SEMA4D: variants seen among roughly 807,000 people sequenced by gnomAD.
SEMA4D encodes the protein semaphorin 4D, also known as semaphorin-4D.
Under a neutral mutation model 74.8 loss-of-function variants are expected in SEMA4D, and 22 were observed. That is an observed-to-expected ratio of 0.29 (90% CI 0.21 to 0.42). SEMA4D has a LOEUF of 0.42. SEMA4D is among the 10% of genes least tolerant of loss of function. The pLI is 1.00. For missense variants in SEMA4D, 937 were observed against 1,118.4 expected (o/e 0.84, Z 2.31); for synonymous variants, 445 against 463.7 (o/e 0.96, Z 0.52).
At position 89,388,799 on chromosome 9, in the gene SEMA4D, AGGG is replaced by A; in HGVS notation, c.951-10_951-8del. On this transcript the variant is annotated splice_polypyrimidine_tract_variant and splice_region_variant and intron_variant, in intron 10 of 15. Transcript: ENST00000422704. ...CGACAGCCCCACGTTGTTCCTGGGG[AGGG>A]GAAAGAGGTGACGGGACCACCTGGC... is the stretch of plus-strand genomic sequence containing the variant. 6.2e-7 allele frequency: 1 copy of A among 1,603,942 alleles called. No homozygotes were observed. The highest frequency in any genetic ancestry group is 1.7e-5 in the Admixed American group (1 of 59,578).
intron 2 of SEMA4D, among the ~76,000 whole-genome samples, chr9:89,431,212 C>CA (rs1186401686): frequency 6.6e-6 from 1 of 152,182 alleles, no homozygotes; most frequent in Non-Finnish European, 1.5e-5. Context: ...GCCTGACTGG[C>CA]ACGTTCCAAG....
At chr9:89,396,978 T>C (rs541509891) in intron 5 of SEMA4D, 143 bp from the exon 6 acceptor site, 3 of 698,888 alleles carry the variant, frequency 4.3e-6, no homozygotes, top group Non-Finnish European at 7.5e-6. Flanking sequence ...CAACGAGGCA[T>C]GTGTGCATTC....
At chr9:89,394,748 T>C (rs538199909) in intron 6 of SEMA4D, among the ~76,000 whole-genome samples, 49 of 152,276 alleles carry the variant, frequency 3.2e-4, no homozygotes, top group African/African-American at 1.1e-3. Flanking sequence ...TCTTCACCTG[T>C]TAGGTTAGGG....
intron 2 of SEMA4D, among the ~76,000 whole-genome samples, chr9:89,445,490 C>A (rs566725819): frequency 1.1e-4 from 17 of 152,336 alleles, no homozygotes; most frequent in African/African-American, 4.1e-4. Flanking sequence ...GCTCTGGAGG[C>A]CCCAGGGGAG....
chr9:89,391,548 A>G, intron 8 of SEMA4D, 133 bp from the exon 9 acceptor site: 2 of 802,430 alleles, frequency 2.5e-6, no homozygotes, highest in Non-Finnish European at 4.0e-6. Flanking sequence ...GAGTGTGCAC[A>G]TGCCACAATC....
At chr9:89,387,649 C>T in intron 11 of SEMA4D, 41 bp from the exon 12 acceptor site, 1 of 1,584,196 alleles carries the variant, frequency 6.3e-7, no homozygotes, top group Non-Finnish European at 8.7e-7. Context: ...GCTCGTGTCC[C>T]ACCACGCAAC....
At chr9:89,471,012 C>G (rs980884317) in intron 1 of SEMA4D, among the ~76,000 whole-genome samples, 1 of 152,112 alleles carries the variant, frequency 6.6e-6, no homozygotes, top group Non-Finnish European at 1.5e-5. Context: ...GAAATGCACA[C>G]TGAGATAATC....
chr9:89,370,928 G>A (rs929406219), intron 16 of SEMA4D, among the ~76,000 whole-genome samples: 91 of 137,264 alleles, frequency 6.6e-4, no homozygotes, highest in African/African-American at 2.3e-3. Flanking sequence ...TGTTGGGGGG[G>A]TGTTGTGTGT....
chr9:89,396,174 G>A (rs570485405), intron 6 of SEMA4D, among the ~76,000 whole-genome samples: 19 of 152,132 alleles, frequency 1.2e-4, no homozygotes, highest in Admixed American at 9.2e-4. Context: ...CTGAGTGGGT[G>A]GACCCAGGAG....
At chr9:89,363,308 G>A (rs1051760438) in intron 18 of SEMA4D, 21 of 1,416,482 alleles carry the variant, frequency 1.5e-5, no homozygotes, top group African/African-American at 2.9e-5. Context: ...AAACTGCTCC[G>A]GGGCTAAGAG....
intron 1 of SEMA4D, among the ~76,000 whole-genome samples, chr9:89,462,965 C>G (rs1159701702): frequency 2.6e-4 from 7 of 26,752 alleles, no homozygotes; most frequent in African/African-American, 6.2e-4. Flanking sequence ...GGGGAGCGAG[C>G]GAGGGGAGGG....
chr9:89,441,386 G>A (rs544496417), intron 2 of SEMA4D, among the ~76,000 whole-genome samples: 5 of 152,360 alleles, frequency 3.3e-5, no homozygotes, highest in Admixed American at 3.3e-4. Flanking sequence ...AGCTTTCCAG[G>A]CAGACAGAAC....
downstream of SEMA4D, chr9:89,376,570 C>A: frequency 2.5e-6 from 1 of 408,024 alleles, no homozygotes. Flanking sequence ...CAGCCTGCAG[C>A]CCACAAGGCC....
At chr9:89,447,330 ACCCCACAGCCTCCT>A (rs1013675356) in intron 2 of SEMA4D, among the ~76,000 whole-genome samples, 35 of 151,786 alleles carry the variant, frequency 2.3e-4, no homozygotes, top group African/African-American at 8.2e-4. Context: ...AGGCTTAGGT[ACCCCACAGCCTCCT>A]CCCCACTAAT....
At chr9:89,437,162 C>CT (rs1305689081) in intron 2 of SEMA4D, among the ~76,000 whole-genome samples, 1 of 152,236 alleles carries the variant, frequency 6.6e-6, no homozygotes, top group Non-Finnish European at 1.5e-5. Context: ...TTGTTAGGGG[C>CT]TGCAGGGCCC....
rs752477086 is a variant in SEMA4D, at chr9:89,381,269, G to A, written c.1524C>T (p.Thr508=). The A allele has an allele frequency of 1.3e-6, 2 of 1,593,378 alleles. No individual in the cohort carries two copies. The highest frequency in any genetic ancestry group is 8.6e-7 in the Non-Finnish European group (1 of 1,167,078). ...CCCGCGCCAGCACACAGTCCTCGCA[G>A]GTGCCGTGCTTCCCACAGAAGGCCA... ...APLAFCGKHG[T]CEDCVLARDP... is the part of the protein sequence containing the mutation. The change falls in exon 14 of 16, where the codon ACC becomes ACT. Residue 508 remains threonine, a synonymous_variant. Transcript: ENST00000422704. This position sits in a 1 kb window ranked among gnomAD's most constrained non-coding sequence, Gnocchi z 4.6.
intron 1 of SEMA4D, among the ~76,000 whole-genome samples, chr9:89,479,268 A>G (rs1198405622): frequency 2.0e-5 from 3 of 152,340 alleles, no homozygotes; most frequent in African/African-American, 7.2e-5. Flanking sequence ...GAAGTAACCC[A>G]GATCCACAGC....
chr9:89,389,137 G>A (rs1564582948), intron 9 of SEMA4D, 90 bp from the exon 10 acceptor site: 4 of 1,368,830 alleles, frequency 2.9e-6, no homozygotes, highest in Non-Finnish European at 4.1e-6. Context: ...CCATGGCCCA[G>A]CACAGCGCGG....
chr9:89,371,823 T>G (rs1240911886), intron 16 of SEMA4D, among the ~76,000 whole-genome samples: 1 of 40,818 alleles, frequency 2.4e-5, no homozygotes, highest in Non-Finnish European at 4.2e-5. Flanking sequence ...TGTGTGTGTC[T>G]GGGGTGTGGT....
Sources: allele counts gnomAD v4.1 joint callset (sites outside exome capture counted in the v4.1 genomes callset), GRCh38; gene constraint gnomAD v4.1.1; non-coding constraint Gnocchi (gnomAD v3.1); transcripts MANE v1.5; gene names NCBI Gene and HGNC (gene_info 2026-07-23, HGNC 2026-07-21).